GNA12: variants seen among roughly 807,000 people sequenced by gnomAD.
GNA12 encodes guanine nucleotide-binding protein subunit alpha-12.
GNA12 carries 9 observed loss-of-function variants against 26.0 expected under a neutral mutation model. That is an observed-to-expected ratio of 0.35 (90% CI 0.21 to 0.60). The LOEUF (loss-of-function observed/expected upper bound fraction) is 0.60, where lower values mean the gene tolerates loss of function less well. GNA12 is among the 20% of genes least tolerant of loss of function. The pLI, the probability that GNA12 is intolerant of heterozygous loss-of-function variation, is 0.78. For missense variants in GNA12, 405 were observed against 525.8 expected (o/e 0.77, Z 2.25); for synonymous variants, 264 against 219.6 (o/e 1.20, Z -1.79).
intron 2 of GNA12, among the ~76,000 whole-genome samples, chr7:2,744,209 G>A (rs1406809194): frequency 6.6e-6 from 1 of 152,222 alleles, no homozygotes; most frequent in African/African-American, 2.4e-5. Context: ...TCTGAGAACG[G>A]GCAGACTGCC....
At chr7:2,768,205 TA>T (rs1438022549) in intron 2 of GNA12, among the ~76,000 whole-genome samples, 2 of 152,240 alleles carry the variant, frequency 1.3e-5, no homozygotes, top group Non-Finnish European at 2.9e-5. Context: ...GCTTTGCTAC[TA>T]AACAAGTCCA....
At chr7:2,737,274 GTTTTT>G (rs1041056812) in intron 2 of GNA12, among the ~76,000 whole-genome samples, 4 of 35,042 alleles carry the variant, frequency 1.1e-4, no homozygotes, top group African/African-American at 3.9e-4. Flanking sequence ...GTTTTGTTTT[GTTTTT>G]TTTTTTTTTG....
intron 2 of GNA12, among the ~76,000 whole-genome samples, chr7:2,784,781 T>C (rs753855108): frequency 3.3e-5 from 5 of 152,190 alleles, no homozygotes; most frequent in South Asian, 4.1e-4. Flanking sequence ...GAAAACACCT[T>C]TGTTATAGGT....
At chr7:2,777,758 A>G (rs555144330) in intron 2 of GNA12, among the ~76,000 whole-genome samples, 28 of 152,322 alleles carry the variant, frequency 1.8e-4, no homozygotes, top group Middle Eastern at 3.4e-3. Context: ...CAAGCCACAC[A>G]GTGTGTGGAA....
intron 2 of GNA12, among the ~76,000 whole-genome samples, chr7:2,792,648 A>C (rs1191340272): frequency 6.6e-6 from 1 of 152,258 alleles, no homozygotes; most frequent in Non-Finnish European, 1.5e-5. Flanking sequence ...TGAGATACTG[A>C]CATGTATTTC....
intron 2 of GNA12, among the ~76,000 whole-genome samples, chr7:2,776,639 G>A (rs761843171): frequency 6.6e-6 from 1 of 152,200 alleles, no homozygotes. Flanking sequence ...GGAGCAGGCT[G>A]GCATAAGGAT....
At chr7:2,806,773 G>C (rs1792961486) in intron 1 of GNA12, among the ~76,000 whole-genome samples, 1 of 152,204 alleles carries the variant, frequency 6.6e-6, no homozygotes, top group Non-Finnish European at 1.5e-5. Flanking sequence ...GACATGCTAA[G>C]ATTGAGGTAA....
At chr7:2,743,091 G>T (rs577332314) in intron 2 of GNA12, among the ~76,000 whole-genome samples, 2 of 152,298 alleles carry the variant, frequency 1.3e-5, no homozygotes, top group South Asian at 4.1e-4. Context: ...GGGGTAAGGT[G>T]GGAACACTCC....
At chr7:2,831,264 G>C (rs1028571163) in intron 1 of GNA12, among the ~76,000 whole-genome samples, 4 of 151,672 alleles carry the variant, frequency 2.6e-5, no homozygotes, top group African/African-American at 9.7e-5. Context: ...CATCTCCCAG[G>C]GAGTTTTGCC....
intron 2 of GNA12, among the ~76,000 whole-genome samples, chr7:2,764,326 TC>T (rs1791712817): frequency 6.6e-6 from 1 of 151,284 alleles, no homozygotes; most frequent in African/African-American, 2.4e-5. Flanking sequence ...GGAGTGATCC[TC>T]CCATCTCAGC....
In GNA12 at chr7:2,731,761, C is replaced by T. The variant is rs9655213; in HGVS notation, c.577-11G>A. The stretch of plus-strand genomic sequence containing the variant: ...ACTAGGAAAGTAATTCTGTAAAATA[C>T]AGGATGAGGCAGAAATTTAGGGGGA... On this transcript the variant is annotated splice_polypyrimidine_tract_variant and intron_variant, in intron 3 of 3. Coordinates refer to ENST00000275364, the MANE Select transcript of GNA12 (RefSeq NM_007353.3). The surrounding 1 kb of genome is among the most constrained non-coding windows in gnomAD (Gnocchi z 6.0). 4.7e-4 allele frequency: 646 copies of T among 1,372,060 alleles called. 2 individuals carry two copies. The African/African-American group carries it at 6.9e-3, about 15-fold the overall frequency. 85.0% of individuals were successfully genotyped at this position (1,372,060 alleles called of 1,614,324 possible). A position where few individuals can be genotyped will look rare whatever the true frequency, so the allele number is the denominator to read the frequency against.
intron 1 of GNA12, chr7:2,815,146 T>A: frequency 1.5e-6 from 1 of 677,862 alleles, no homozygotes; most frequent in Non-Finnish European, 2.4e-6. Flanking sequence ...GAAGGAGCAA[T>A]ACAAAAAGCA....
intron 2 of GNA12, among the ~76,000 whole-genome samples, chr7:2,770,307 GAAATT>G (rs760507073): frequency 2.0e-5 from 3 of 152,266 alleles, no homozygotes; most frequent in Admixed American, 6.5e-5. Context: ...GTCCCGTTTG[GAAATT>G]AAATTAAATG....
At chr7:2,817,347 T>A (rs1793241672) in intron 1 of GNA12, among the ~76,000 whole-genome samples, 1 of 151,936 alleles carries the variant, frequency 6.6e-6, no homozygotes, top group African/African-American at 2.4e-5. Flanking sequence ...TTCAGGTGAT[T>A]CCTCCCACCC....
chr7:2,789,727 G>A (rs540930670), intron 2 of GNA12, among the ~76,000 whole-genome samples: 3 of 152,248 alleles, frequency 2.0e-5, no homozygotes, highest in Non-Finnish European at 4.4e-5. Context: ...AACCAACCAC[G>A]CACAGCATCT....
chr7:2,730,749 C>T lies in GNA12; in HGVS notation c.*432G>A, dbSNP rs1789846845. The T allele has an allele frequency of 6.0e-6, 1 of 166,752 alleles. No homozygotes were observed. Among genetic ancestry groups the T allele is most frequent in the Admixed American group, 5.7e-5 (1 of 17,514 alleles). 10.3% of individuals were successfully genotyped at this position (166,752 alleles called of 1,614,324 possible). A position where few individuals can be genotyped will look rare whatever the true frequency, so the allele number is the denominator to read the frequency against. On this transcript the variant is annotated 3_prime_UTR_variant, in exon 4 of 4. Coordinates refer to ENST00000275364, the MANE Select transcript of GNA12 (RefSeq NM_007353.3). ...GCAAAGCTTTCAGGTTAGTCTGTCT[C>T]AGGGAAGACTTGTGAGTTAGAAAAG... is the stretch of plus-strand genomic sequence containing the variant.
rs547562417 is a variant in GNA12, at chr7:2,804,581, TAA to T, written c.310-9440_310-9439del. ...CAAGTTGGGTTTTGTGAAAAACTGA[TAA>T]GAGTGCAAAGAAACTGTGTGAGGAG... On this transcript the variant is annotated intron_variant, in intron 1 of 3. Transcript: ENST00000275364. Among the ~76,000 whole-genome samples, 266 of 152,254 alleles carry T rather than the reference TAA, an allele frequency of 1.7e-3. 2 individuals are homozygous for T. The highest frequency in any genetic ancestry group is 0.01 in the Middle Eastern group (3 of 294).
At chr7:2,739,031 G>A (rs1224627816) in intron 2 of GNA12, among the ~76,000 whole-genome samples, 3 of 152,192 alleles carry the variant, frequency 2.0e-5, no homozygotes, top group Non-Finnish European at 4.4e-5. Context: ...GTCCTTGGCC[G>A]TGGAGCAGCC....
intron 2 of GNA12, among the ~76,000 whole-genome samples, chr7:2,789,132 C>CTATTTT (rs1202789852): frequency 5.5e-5 from 4 of 72,822 alleles, no homozygotes; most frequent in Non-Finnish European, 1.1e-4. Context: ...CTTCAGGCAT[C>CTATTTT]TTTTTTTTTT....
Sources: allele counts gnomAD v4.1 joint callset (sites outside exome capture counted in the v4.1 genomes callset), GRCh38; gene constraint gnomAD v4.1.1; non-coding constraint Gnocchi (gnomAD v3.1); transcripts MANE v1.5; gene names NCBI Gene and HGNC (gene_info 2026-07-23, HGNC 2026-07-21).